The following SPATS1 variants were observed in gnomAD, a reference collection of about 807,000 sequenced individuals.
SPATS1 encodes the protein spermatogenesis associated serine rich 1, also known as spermatogenesis-associated serine-rich protein 1.
SPATS1 carries 23 observed loss-of-function variants against 33.6 expected under a neutral mutation model. The observed-to-expected ratio is 0.68, with a 90% CI of 0.49 to 0.97. SPATS1 has a LOEUF of 0.97. SPATS1 is among the 50% of genes least tolerant of loss of function. SPATS1 has a pLI of 0.00. For synonymous variants in SPATS1, 131 were observed against 125.6 expected, an observed-to-expected ratio of 1.04 and a Z score of -0.29; for missense variants, 327 against 361.0, an observed-to-expected ratio of 0.91 and a Z score of 0.76.
intron 2 of SPATS1, among the ~76,000 whole-genome samples, chr6:44,350,128 C>T (rs1788147857): frequency 6.6e-6 from 1 of 152,198 alleles, no homozygotes; most frequent in South Asian, 2.1e-4. Flanking sequence ...ACTTCCCACA[C>T]TTGGCTGACC....
chr6:44,355,056 A>C (rs1279817320), intron 3 of SPATS1, among the ~76,000 whole-genome samples: 2 of 152,172 alleles, frequency 1.3e-5, no homozygotes, highest in East Asian at 3.8e-4. Context: ...CCTGGACTCA[A>C]GTGATCCACC....
intron 3 of SPATS1, among the ~76,000 whole-genome samples, chr6:44,359,906 G>A (rs1788803640): frequency 6.6e-6 from 1 of 152,078 alleles, no homozygotes. Flanking sequence ...ATATTCCATT[G>A]TATGTGTTAT....
intron 2 of SPATS1, among the ~76,000 whole-genome samples, chr6:44,349,288 C>CAAAAAAAAAAAAA (rs35407623): frequency 2.8e-5 from 2 of 72,618 alleles, no homozygotes; most frequent in Non-Finnish European, 5.0e-5. Context: ...GACTCTGGCT[C>CAAAAAAAAAAAAA]AAAAAAAAAA....
At chr6:44,366,829 A>G (rs1434257634) in intron 5 of SPATS1, among the ~76,000 whole-genome samples, 1 of 152,242 alleles carries the variant, frequency 6.6e-6, no homozygotes, top group Non-Finnish European at 1.5e-5. Context: ...ATATGCTCAC[A>G]TCATTATTAT....
At chr6:44,375,080 C>T (rs1160171903) in intron 7 of SPATS1, among the ~76,000 whole-genome samples, 1 of 152,182 alleles carries the variant, frequency 6.6e-6, no homozygotes, top group Non-Finnish European at 1.5e-5. Flanking sequence ...CCTATTGGAC[C>T]ACATGCAGCC....
chr6:44,363,295 C>A (rs939244451), intron 5 of SPATS1, among the ~76,000 whole-genome samples: 1 of 152,116 alleles, frequency 6.6e-6, no homozygotes, highest in East Asian at 1.9e-4. Flanking sequence ...GAGGCATGTG[C>A]CACCATGCCC....
At chr6:44,354,334 AAAAT>A (rs747479012) in intron 3 of SPATS1, among the ~76,000 whole-genome samples, 2,586 of 110,394 alleles carry the variant, frequency 0.023, 35 homozygotes, top group Middle Eastern at 0.034. Flanking sequence ...AACTTGTGTC[AAAAT>A]AAATAAATAA....
rs192484880 is a variant in SPATS1 at position 44,344,418 on chromosome 6, T to C, written c.139+1184T>C. ...GTGTGTGTGTGTGTGTGTGTGTGTG[T>C]GTGTGCATTTTTCCATCAGAGAACC... On this transcript the variant is annotated intron_variant, in intron 2 of 8. Transcript: ENST00000674044. Among the ~76,000 whole-genome samples, 39 of 151,954 alleles carry C rather than the reference T, an allele frequency of 2.6e-4. No homozygotes were observed. The East Asian group carries it at 6.8e-3, about 26-fold the overall frequency.
chr6:44,350,992 C>T (rs144354754), intron 2 of SPATS1, among the ~76,000 whole-genome samples: 3,213 of 151,532 alleles, frequency 0.021, 102 homozygotes, highest in African/African-American at 0.073. Context: ...GGCATGGTGG[C>T]GAGTGCCTGT....
rs1221300196 is a variant in SPATS1, at chr6:44,363,664, CTCCTTCCT to C, written c.574+1680_574+1687del. Among the ~76,000 whole-genome samples the C allele has an allele frequency of 4.5e-3, 68 of 15,146 alleles. 1 individual carries two copies. The highest frequency in any genetic ancestry group is 0.024 in the African/African-American group (62 of 2,612). The allele number at this position is 15,146 out of a possible 152,430, so 9.9% of individuals were successfully genotyped here. On this transcript the variant is annotated intron_variant, in intron 5 of 8. Coordinates refer to ENST00000674044, the MANE Select transcript of SPATS1 (RefSeq NM_001372081.1). Reference sequence around the variant, plus strand: ...TTTCCTTCCTTCCTTCCCTCCTTCCCTCCTTCCTTCCTTCCCTCCTTCCCTCCTTCCTT... The same window carrying C: ...TTTCCTTCCTTCCTTCCCTCCTTCCCTCCTTCCCTCCTTCCCTCCTTCCTT...
chr6:44,361,964 G>A lies in SPATS1; in HGVS notation c.546G>A (p.Val182=), dbSNP rs1242969267. 2 of 1,614,180 alleles carry A rather than the reference G, an allele frequency of 1.2e-6. No homozygotes were observed. The highest frequency in any genetic ancestry group is 1.7e-6 in the Non-Finnish European group (2 of 1,180,044). The change falls in exon 5 of 9, where the codon GTG becomes GTA. Residue 182 remains valine, a synonymous_variant. Coordinates refer to ENST00000674044, the MANE Select transcript of SPATS1 (RefSeq NM_001372081.1). The stretch of plus-strand genomic sequence containing the variant: ...AGAGGTCTCTATCAGAGAGGACGGT[G>A]GACAAGTGCTTTGGGAGAAAGAAAT... ...GNKRSLSERT[V]DKCFGRKKYD...
intron 6 of SPATS1, among the ~76,000 whole-genome samples, chr6:44,369,009 G>A (rs1789421348): frequency 6.6e-6 from 1 of 150,428 alleles, no homozygotes; most frequent in Non-Finnish European, 1.5e-5. Flanking sequence ...CCATTCTCCT[G>A]CCTCAGCCTC....
At chr6:44,342,981 C>T (rs934064408) in intron 1 of SPATS1, 115 bp from the exon 2 acceptor site, 3 of 1,374,852 alleles carry the variant, frequency 2.2e-6, no homozygotes, top group Non-Finnish European at 3.0e-6. Flanking sequence ...GCCAGTCCTG[C>T]CCTCCTGACT....
At position 44,377,296 on chromosome 6, in the gene SPATS1, T is replaced by G; in HGVS notation, c.*233T>G. The G allele has an allele frequency of 1.7e-6, 1 of 582,290 alleles. No individual in the cohort carries two copies. Among genetic ancestry groups the G allele is most frequent in the Non-Finnish European group, 3.1e-6 (1 of 327,650 alleles). 36.1% of individuals were successfully genotyped at this position (582,290 alleles called of 1,614,324 possible). A position where few individuals can be genotyped will look rare whatever the true frequency, so the allele number is the denominator to read the frequency against. ...CACATAGATTCTATCATTGTTAATA[T>G]TTGTTCAAACTTTCTCTCTCTCACA... On this transcript the variant is annotated 3_prime_UTR_variant, in exon 9 of 9. Coordinates refer to ENST00000674044, the MANE Select transcript of SPATS1 (RefSeq NM_001372081.1).
intron 5 of SPATS1, among the ~76,000 whole-genome samples, chr6:44,362,793 G>A (rs1200390333): frequency 2.0e-5 from 3 of 152,054 alleles, no homozygotes; most frequent in Non-Finnish European, 4.4e-5. Flanking sequence ...AAATGAGCTG[G>A]GAGAGTGGTC....
chr6:44,342,857 G>A, intron 1 of SPATS1, 89 bp downstream of exon 1: 2 of 1,275,360 alleles, frequency 1.6e-6, no homozygotes, highest in Non-Finnish European at 2.1e-6. Flanking sequence ...AGCACCTTGA[G>A]CTGGATGGGG....
At chr6:44,366,296 G>T (rs996250609) in intron 5 of SPATS1, among the ~76,000 whole-genome samples, 2 of 151,760 alleles carry the variant, frequency 1.3e-5, no homozygotes, top group African/African-American at 4.8e-5. Flanking sequence ...AGCTAATTTT[G>T]TATTTTTAGT....
At chr6:44,373,558 C>T (rs911671119) in intron 7 of SPATS1, among the ~76,000 whole-genome samples, 5 of 152,208 alleles carry the variant, frequency 3.3e-5, no homozygotes, top group African/African-American at 1.2e-4. Context: ...TGCTCCATTA[C>T]TGTCATCAAA....
intron 3 of SPATS1, among the ~76,000 whole-genome samples, chr6:44,356,421 CAACA>C (rs1788592133): frequency 6.6e-6 from 1 of 152,202 alleles, no homozygotes. Context: ...TTACTTAAAA[CAACA>C]AACATTTATT....
Sources: allele counts gnomAD v4.1 joint callset (sites outside exome capture counted in the v4.1 genomes callset), GRCh38; gene constraint gnomAD v4.1.1; transcripts MANE v1.5; gene names NCBI Gene and HGNC (gene_info 2026-07-23, HGNC 2026-07-21).